EPHX4: variants seen among roughly 807,000 people sequenced by gnomAD.
EPHX4 encodes abhydrolase domain containing 7.
In EPHX4, 31 loss-of-function variants were observed where a neutral mutation model predicts 44.9. The observed-to-expected ratio is 0.69, with a 90% CI of 0.52 to 0.93. The LOEUF (loss-of-function observed/expected upper bound fraction) is 0.93, where lower values mean the gene tolerates loss of function less well. Among genes scored for constraint, EPHX4 ranks in the 40% least tolerant of loss-of-function variants. The pLI is 0.00. For missense variants in EPHX4, 373 were observed against 438.1 expected (o/e 0.85, Z 1.33); for synonymous variants, 151 against 159.7 (o/e 0.95, Z 0.41).
intron 2 of EPHX4, among the ~76,000 whole-genome samples, chr1:92,036,180 C>G (rs1472230412): frequency 6.6e-6 from 1 of 152,190 alleles, no homozygotes. Flanking sequence ...CTACCTCACA[C>G]CAACCCCAGT....
intron 4 of EPHX4, among the ~76,000 whole-genome samples, chr1:92,049,369 C>T (rs1319062143): frequency 6.6e-6 from 1 of 152,150 alleles, no homozygotes; most frequent in Non-Finnish European, 1.5e-5. Context: ...CCCTCCACTC[C>T]ACCCTACCAT....
chr1:92,060,598 G>A (rs1342645002), intron 6 of EPHX4, among the ~76,000 whole-genome samples: 1 of 151,962 alleles, frequency 6.6e-6, no homozygotes, highest in African/African-American at 2.4e-5. Flanking sequence ...AAATTTCTAT[G>A]GGAGAATGGC....
chr1:92,052,488 A>G (rs1647279981), intron 5 of EPHX4, 22 bp from the exon 6 acceptor site: 4 of 1,569,602 alleles, frequency 2.5e-6, no homozygotes, highest in Non-Finnish European at 3.4e-6. Flanking sequence ...AGTTTTAATT[A>G]TTGTTTTCTC....
chr1:92,059,640 A>G (rs1647446126), intron 6 of EPHX4, among the ~76,000 whole-genome samples: 1 of 152,222 alleles, frequency 6.6e-6, no homozygotes, highest in African/African-American at 2.4e-5. Context: ...CAAAGTTGAT[A>G]TATAAAAGTT....
intron 4 of EPHX4, among the ~76,000 whole-genome samples, chr1:92,050,070 G>C (rs972599948): frequency 3.9e-5 from 6 of 151,912 alleles, no homozygotes; most frequent in African/African-American, 1.5e-4. Context: ...TTGCACTCCA[G>C]CCTGGGCAAC....
At chr1:92,038,653 G>T (rs1688472045) in intron 2 of EPHX4, among the ~76,000 whole-genome samples, 1 of 152,070 alleles carries the variant, frequency 6.6e-6, no homozygotes, top group Non-Finnish European at 1.5e-5. Flanking sequence ...GGAGAGAGCT[G>T]GGAAGTCTCC....
intron 3 of EPHX4, among the ~76,000 whole-genome samples, chr1:92,045,115 A>G (rs1688565261): frequency 6.6e-6 from 1 of 152,030 alleles, no homozygotes; most frequent in South Asian, 2.1e-4. Flanking sequence ...GGTGGACACC[A>G]CCACACCTGG....
intron 2 of EPHX4, among the ~76,000 whole-genome samples, chr1:92,037,610 C>T (rs1455825752): frequency 7.2e-5 from 11 of 152,082 alleles, no homozygotes; most frequent in Admixed American, 5.9e-4. Context: ...AGTGCTAAGG[C>T]GAGTGAGGGG....
chr1:92,030,485 T>TGTGTGTGTGAGAGA (rs1326928763), intron 1 of EPHX4, among the ~76,000 whole-genome samples, 175 bp downstream of exon 1: 1 of 138,652 alleles, frequency 7.2e-6, no homozygotes, highest in African/African-American at 2.8e-5. Context: ...TGTGTGTGTG[T>TGTGTGTGTGAGAGA]GAGAGAGAGA....
Position 92,035,510 on chromosome 1 carries a change from A to T in EPHX4, c.317+2920A>T, listed in dbSNP as rs75437858. Among the ~76,000 whole-genome samples, 1,132 of 152,286 alleles carry T rather than the reference A, an allele frequency of 7.4e-3. 18 individuals carry two copies. Among genetic ancestry groups the T allele is most frequent in the African/African-American group, 0.026 (1,079 of 41,548 alleles). ...ATACTCATTTTCTTCCTTCATTCCCATTCATTCATTGTGGAGATCCATGTG... is the reference window on the plus strand; with the variant it reads ...ATACTCATTTTCTTCCTTCATTCCCTTTCATTCATTGTGGAGATCCATGTG... On this transcript the variant is annotated intron_variant, in intron 2 of 6. Transcript: ENST00000370383.
chr1:92,061,319 G>A (rs1036110055), intron 6 of EPHX4, among the ~76,000 whole-genome samples: 3 of 152,172 alleles, frequency 2.0e-5, no homozygotes, highest in Admixed American at 6.5e-5. Flanking sequence ...AGTCCATGGT[G>A]GGCATGTGTA....
intron 6 of EPHX4, among the ~76,000 whole-genome samples, chr1:92,054,041 G>GA (rs1647309460): frequency 6.6e-6 from 1 of 152,094 alleles, no homozygotes; most frequent in African/African-American, 2.4e-5. Context: ...TGTACTTAGG[G>GA]AAAAAAATGA....
At chr1:92,042,226 A>G (rs72954766) in intron 2 of EPHX4, among the ~76,000 whole-genome samples, 144 of 152,210 alleles carry the variant, frequency 9.5e-4, no homozygotes, top group African/African-American at 3.4e-3. Flanking sequence ...TAAGACATAT[A>G]TAAGTACAAT....
At chr1:92,056,245 G>T (rs927825762) in intron 6 of EPHX4, among the ~76,000 whole-genome samples, 1 of 151,948 alleles carries the variant, frequency 6.6e-6, no homozygotes, top group African/African-American at 2.4e-5. Flanking sequence ...TACAAATAAG[G>T]TATAGTACAT....
chr1:92,057,711 T>C (rs1647400613), intron 6 of EPHX4, among the ~76,000 whole-genome samples: 1 of 152,086 alleles, frequency 6.6e-6, no homozygotes, highest in Admixed American at 6.5e-5. Context: ...GTGATTCTGC[T>C]GCCTCAGCCT....
intron 2 of EPHX4, among the ~76,000 whole-genome samples, chr1:92,034,444 C>T (rs1688407714): frequency 6.6e-6 from 1 of 151,916 alleles, no homozygotes; most frequent in Non-Finnish European, 1.5e-5. Flanking sequence ...CCTTAGTTGA[C>T]TCAAAGGTGG....
chr1:92,055,793 G>A (rs938996001), intron 6 of EPHX4, among the ~76,000 whole-genome samples: 1 of 152,056 alleles, frequency 6.6e-6, no homozygotes, highest in Admixed American at 6.5e-5. Context: ...GATAGGAGAC[G>A]AGAATGACAG....
intron 4 of EPHX4, among the ~76,000 whole-genome samples, chr1:92,048,703 T>C (rs1688616151): frequency 6.6e-6 from 1 of 150,406 alleles, no homozygotes; most frequent in Non-Finnish European, 1.5e-5. Flanking sequence ...AAGCATAGAC[T>C]TTTTTTCCCA....
At chr1:92,032,395 T>C in intron 1 of EPHX4, 110 bp from the exon 2 acceptor site, 2 of 757,094 alleles carry the variant, frequency 2.6e-6, no homozygotes, top group South Asian at 1.7e-5. Context: ...AATACACAAA[T>C]GTTTTAAAAT....
Sources: gnomAD v4.1 joint callset for allele counts (sites outside exome capture counted in the v4.1 genomes callset) on GRCh38, gnomAD v4.1.1 for gene constraint, MANE v1.5 for transcripts, NCBI Gene and HGNC (gene_info 2026-07-23, HGNC 2026-07-21) for gene names.